TNS1: variants seen among roughly 807,000 people sequenced by gnomAD.
TNS1 encodes the protein tensin 1.
In TNS1, 62 loss-of-function variants were observed where a neutral mutation model predicts 168.6. The observed-to-expected ratio is 0.37, with a 90% CI of 0.30 to 0.45. The LOEUF is 0.45. Ranked by LOEUF, TNS1 falls within the 20% of genes least tolerant of loss-of-function variation. The pLI, the probability that TNS1 is intolerant of heterozygous loss-of-function variation, is 1.00. For synonymous variants in TNS1, 934 were observed against 933.2 expected (o/e 1.00, Z -0.02); for missense variants, 2,240 against 2,339.4 (o/e 0.96, Z 0.88).
chr2:217,979,980 C>T (rs955454521), intron 2 of TNS1, among the ~76,000 whole-genome samples: 5 of 152,062 alleles, frequency 3.3e-5, no homozygotes, highest in African/African-American at 4.8e-5. Flanking sequence ...GATGAATGCC[C>T]GGAGCAGCCC....
chr2:217,826,802 CT>C (rs1943693170), intron 22 of TNS1, among the ~76,000 whole-genome samples: 1 of 152,232 alleles, frequency 6.6e-6, no homozygotes, highest in Non-Finnish European at 1.5e-5. Flanking sequence ...CAAGTGGCTG[CT>C]GGCGGTGAAG....
intron 4 of TNS1, among the ~76,000 whole-genome samples, 160 bp downstream of exon 4, chr2:217,920,035 C>T (rs1182610379): frequency 6.6e-6 from 1 of 152,260 alleles, no homozygotes; most frequent in East Asian, 1.9e-4. Context: ...GACTCATTTC[C>T]TCCCAGGCCC....
At chr2:217,894,909 C>G in intron 9 of TNS1, 97 bp downstream of exon 9, 1 of 1,225,624 alleles carries the variant, frequency 8.2e-7, no homozygotes, top group Non-Finnish European at 1.2e-6. Flanking sequence ...GACAAACTGT[C>G]ACAGCATTTT....
chr2:217,806,028 C>T (rs1292065950), intron 32 of TNS1, among the ~76,000 whole-genome samples: 1 of 152,184 alleles, frequency 6.6e-6, no homozygotes, highest in African/African-American at 2.4e-5. Flanking sequence ...CACAGGGCAT[C>T]CCCCAGCACC....
At chr2:217,861,618 A>C (rs1362628538) in intron 18 of TNS1, among the ~76,000 whole-genome samples, 1 of 152,236 alleles carries the variant, frequency 6.6e-6, no homozygotes. Context: ...GTTTGAATAC[A>C]GATACTACCA....
intron 4 of TNS1, among the ~76,000 whole-genome samples, chr2:217,912,760 G>A (rs185404663): frequency 3.3e-5 from 5 of 152,128 alleles, no homozygotes; most frequent in East Asian, 1.9e-4. Context: ...CCATTTAATC[G>A]TCCCCACATA....
At chr2:217,865,466 G>A (rs1434190558) in intron 18 of TNS1, among the ~76,000 whole-genome samples, 1 of 152,230 alleles carries the variant, frequency 6.6e-6, no homozygotes, top group Non-Finnish European at 1.5e-5. Context: ...AGGGAAGAAG[G>A]AGAGAGCTGA....
At chr2:217,886,212 A>G in intron 13 of TNS1, 108 bp from the exon 14 acceptor site, 8 of 1,206,436 alleles carry the variant, frequency 6.6e-6, no homozygotes, top group Non-Finnish European at 9.6e-6. Flanking sequence ...AAATGGGGGA[A>G]GACGGGGTAG....
At chr2:217,873,384 C>T (rs1949941307) in intron 18 of TNS1, among the ~76,000 whole-genome samples, 1 of 152,164 alleles carries the variant, frequency 6.6e-6, no homozygotes, top group Admixed American at 6.5e-5. Flanking sequence ...AGAGGCTTCT[C>T]CCTCATCTCA....
chr2:217,988,871 A>G (rs957591588), intron 2 of TNS1, among the ~76,000 whole-genome samples: 1 of 152,154 alleles, frequency 6.6e-6, no homozygotes, highest in Non-Finnish European at 1.5e-5. Flanking sequence ...GGATGACACA[A>G]GCACCTTTTG....
upstream of TNS1, among the ~76,000 whole-genome samples, chr2:218,004,369 C>G (rs1366341277): frequency 2.2e-5 from 3 of 134,838 alleles, no homozygotes; most frequent in Non-Finnish European, 5.3e-5. Context: ...TCCCCTGCCT[C>G]CCCCCCCCAC....
At position 217,808,507 on chromosome 2, in the gene TNS1, GCACACACA is replaced by G. The variant is rs112279658; in HGVS notation, c.5342+88_5342+95del. 10 of 1,020,164 alleles carry G rather than the reference GCACACACA, an allele frequency of 9.8e-6. No homozygotes were observed. In the East Asian group the frequency reaches 2.3e-4, roughly 24 times the overall value. 63.2% of individuals were successfully genotyped at this position (1,020,164 alleles called of 1,614,324 possible). A position where few individuals can be genotyped will look rare whatever the true frequency, so the allele number is the denominator to read the frequency against. ...AGCTGAATGGAGAATGTATGCACAT[GCACACACA>G]CACACACACACATGCACATGCATGC... On this transcript the variant is annotated intron_variant, in intron 31 of 32. Transcript: ENST00000682258.
At chr2:217,968,782 C>T (rs928050176) in intron 3 of TNS1, among the ~76,000 whole-genome samples, 1 of 152,012 alleles carries the variant, frequency 6.6e-6, no homozygotes, top group Admixed American at 6.6e-5. Context: ...ACAACCTCCG[C>T]CTCCCGGGTT....
At chr2:217,869,817 C>CCAGCT (rs1270558779) in intron 18 of TNS1, among the ~76,000 whole-genome samples, 3 of 152,206 alleles carry the variant, frequency 2.0e-5, no homozygotes, top group Non-Finnish European at 2.9e-5. Flanking sequence ...GGCTTCTGGG[C>CCAGCT]CAGCTCAGCT....
rs757753900 is a variant in TNS1, at chr2:217,893,475, A to T, written c.681T>A (p.Asn227Lys). 6.2e-6 allele frequency: 10 copies of T among 1,612,682 alleles called. No individual in the cohort carries two copies. Among genetic ancestry groups the T allele is most frequent in the Non-Finnish European group, 8.5e-6 (10 of 1,179,124 alleles). ...GAACAACGACATTGTGAGGGTCTGC[A>T]TTGAGCCATGTGTCCATGGCCTTAC... ...SICKAMDTWL[N>K]ADPHNVVVLH... Residue 227 changes from asparagine (N) to lysine (K), a missense_variant, in exon 10 of 33, where the codon AAT becomes AAA. Transcript: ENST00000682258.
intron 4 of TNS1, among the ~76,000 whole-genome samples, chr2:217,909,340 A>C (rs1954083682): frequency 6.6e-6 from 1 of 151,956 alleles, no homozygotes; most frequent in African/African-American, 2.4e-5. Flanking sequence ...CTCACTCCTG[A>C]CCTGTCCGCT....
chr2:217,806,936 T>C (rs1429632415), intron 32 of TNS1, among the ~76,000 whole-genome samples: 1 of 152,206 alleles, frequency 6.6e-6, no homozygotes, highest in Admixed American at 6.5e-5. Flanking sequence ...CCCATTCTCA[T>C]TTTGACCTGT....
chr2:217,831,532 C>T lies in TNS1; in HGVS notation c.3296G>A (p.Gly1099Asp). ...AGCAGACAGGGGTGTCTTGGCCAGA[C>T]CCGGGGGGGACCGCACTGTGCCAGG... is the stretch of plus-strand genomic sequence containing the variant. ...PPPSGVRSPP[G>D]LAKTPLSALG... The change falls in exon 22 of 33, where the codon GGT becomes GAT. Residue 1099 changes from glycine (G) to aspartate (D), a missense_variant. Coordinates refer to ENST00000682258, the MANE Select transcript of TNS1 (RefSeq NM_001387777.1). The T allele has an allele frequency of 6.5e-7, 1 of 1,540,446 alleles. No homozygotes were observed. Among genetic ancestry groups the T allele is most frequent in the Non-Finnish European group, 8.7e-7 (1 of 1,147,942 alleles).
intron 22 of TNS1, among the ~76,000 whole-genome samples, chr2:217,826,494 T>A (rs1943638375): frequency 6.6e-6 from 1 of 152,136 alleles, no homozygotes; most frequent in Non-Finnish European, 1.5e-5. Flanking sequence ...GGAATGAGGA[T>A]ACCCACCTGC....
Sources: allele counts gnomAD v4.1 joint callset (sites outside exome capture counted in the v4.1 genomes callset), GRCh38; gene constraint gnomAD v4.1.1; transcripts MANE v1.5; gene names NCBI Gene and HGNC (gene_info 2026-07-23, HGNC 2026-07-21).